GPSM1: variants seen among roughly 807,000 people sequenced by gnomAD.
The protein encoded by GPSM1 is G protein signaling modulator 1.
GPSM1 carries 48 observed loss-of-function variants against 70.5 expected under a neutral mutation model. That is an observed-to-expected ratio of 0.68 (90% CI 0.54 to 0.87). GPSM1 has a LOEUF of 0.87. Among genes scored for constraint, GPSM1 ranks in the 40% least tolerant of loss-of-function variants. The pLI is 0.00. For synonymous variants in GPSM1, 416 were observed against 430.1 expected, an observed-to-expected ratio of 0.97 and a Z score of 0.41; for missense variants, 981 against 972.6, an observed-to-expected ratio of 1.01 and a Z score of -0.11.
chr9:136,353,192 G>A (rs1245319799), intron 11 of GPSM1: 8 of 786,582 alleles, frequency 1.0e-5, no homozygotes, highest in Non-Finnish European at 1.2e-5. Context: ...ACAGGTGGAG[G>A]CTGAGGGAGC....
chr9:136,358,123 G>C lies in GPSM1; in HGVS notation c.1931G>C (p.Arg644Pro), dbSNP rs782479351. 6.2e-6 allele frequency: 10 copies of C among 1,611,446 alleles called. No homozygotes were observed. In the South Asian group the frequency reaches 1.1e-4, roughly 18 times the overall value. ...FSLIQRVQAK[R>P]MDEQRVDLAG... is the part of the protein sequence containing the mutation. ...CTCATTCAGAGGGTGCAGGCTAAGC[G>C]CATGGACGAGCAGCGGGTGGACCTC... is the stretch of plus-strand genomic sequence containing the variant. Residue 644 changes from arginine to proline, a missense_variant, in exon 14 of 14, where the codon CGC (arginine) becomes CCC (proline). Physicochemically the swap from Arg to Pro is moderately radical, Grantham distance 103. Coordinates refer to ENST00000440944, the MANE Select transcript of GPSM1 (RefSeq NM_001145638.3).
At chr9:136,333,861 C>T (rs1284903044) in intron 1 of GPSM1, among the ~76,000 whole-genome samples, 3 of 152,146 alleles carry the variant, frequency 2.0e-5, no homozygotes, top group Non-Finnish European at 4.4e-5. Context: ...CTGGTCTCCC[C>T]TGGAGACTTG....
intron 11 of GPSM1, among the ~76,000 whole-genome samples, chr9:136,353,860 C>T (rs544539973): frequency 1.6e-4 from 25 of 152,164 alleles, no homozygotes; most frequent in Non-Finnish European, 3.4e-4. Flanking sequence ...CCTGTGTGGC[C>T]CCAACTGGCA....
chr9:136,342,986 G>A lies in GPSM1; in HGVS notation c.1207+1993G>A, dbSNP rs1832431615. Reference sequence around the variant, plus strand: ...CAGAGGCTGGTGGGTTTGGTGTCCCGTTGATAAACACAAGGAGACTTACGT... The same window carrying A: ...CAGAGGCTGGTGGGTTTGGTGTCCCATTGATAAACACAAGGAGACTTACGT... On this transcript the variant is annotated intron_variant, in intron 9 of 13. Coordinates refer to ENST00000440944, the MANE Select transcript of GPSM1 (RefSeq NM_001145638.3). The surrounding 1 kb of genome is among the most constrained non-coding windows in gnomAD (Gnocchi z 5.5). Among the ~76,000 whole-genome samples the A allele has an allele frequency of 6.6e-6, 1 of 152,078 alleles. No individual in the cohort carries two copies. Among genetic ancestry groups the A allele is most frequent in the South Asian group, 2.1e-4 (1 of 4,828 alleles).
In GPSM1 at chr9:136,358,192, A is replaced by G. The variant is rs782504206; in HGVS notation, c.2000A>G (p.Gln667Arg). 16 of 1,562,934 alleles carry G rather than the reference A, an allele frequency of 1.0e-5. No homozygotes were observed. The highest frequency in any genetic ancestry group is 1.3e-5 in the Non-Finnish European group (15 of 1,157,232). The change falls in exon 14 of 14, where the codon CAG (glutamine) becomes CGG (arginine). Residue 667 changes from glutamine (Q) to arginine (R), a missense_variant. Gln to Arg is a conservative substitution (Grantham distance 43). Coordinates refer to ENST00000440944, the MANE Select transcript of GPSM1 (RefSeq NM_001145638.3). ...GGGGCAGGCGGCCCGCCCGAGCCCC[A>G]GCAGCAGTGCCAGCCTGGTGCGAGC... ...EQGAGGPPEPQQQCQPGAS is the reference protein window; with the variant it reads ...EQGAGGPPEPRQQCQPGAS
At chr9:136,351,950 CG>C (rs1554772166) in intron 11 of GPSM1, among the ~76,000 whole-genome samples, 1 of 97,068 alleles carries the variant, frequency 1.0e-5, no homozygotes, top group East Asian at 3.3e-4. Context: ...ATCCCTGGGG[CG>C]TCAGTGGCCG....
intron 7 of GPSM1, 21 bp downstream of exon 7, chr9:136,338,731 C>G (rs782510573): frequency 6.5e-6 from 10 of 1,529,058 alleles, no homozygotes; most frequent in African/African-American, 2.7e-5. Flanking sequence ...GCGGACGCGG[C>G]GGGCAGACCC....
chr9:136,332,258 C>T lies in GPSM1; in HGVS notation c.69-2189C>T, dbSNP rs1487888551. 1.3e-5 allele frequency: 5 copies of T among 398,078 alleles called. No individual in the cohort carries two copies. The East Asian group carries it at 1.8e-4, about 14-fold the overall frequency. The allele number at this position is 398,078 out of a possible 1,614,324, so 24.7% of individuals were successfully genotyped here. A position where few individuals can be genotyped will look rare whatever the true frequency, so the allele number is the denominator to read the frequency against. On this transcript the variant is annotated intron_variant, in intron 1 of 13. Coordinates refer to ENST00000440944, the MANE Select transcript of GPSM1 (RefSeq NM_001145638.3). ...GTCTTGGGATGAGTGGAGGGGACACCCACCTGGTGCAGCTGCAGGTGGCTG... is the reference window on the plus strand; with the variant it reads ...GTCTTGGGATGAGTGGAGGGGACACTCACCTGGTGCAGCTGCAGGTGGCTG...
intron 1 of GPSM1, among the ~76,000 whole-genome samples, chr9:136,329,139 C>T (rs1243917007): frequency 6.6e-6 from 1 of 152,160 alleles, no homozygotes; most frequent in Non-Finnish European, 1.5e-5. Flanking sequence ...GGAGCCAGCC[C>T]CTGGCAGGGG....
intron 9 of GPSM1, among the ~76,000 whole-genome samples, chr9:136,344,776 C>CT (rs1392566298): frequency 2.6e-5 from 4 of 152,354 alleles, no homozygotes; most frequent in African/African-American, 9.6e-5. Context: ...GACAGGGAGA[C>CT]TGTCTGGAGC....
chr9:136,348,895 G>A lies in GPSM1; in HGVS notation c.1278+128G>A, dbSNP rs529143958. ...GCTGGGAGATAAATGTGCCCTCCTC[G>A]GCCTGATGCCCTGCATGGCCCATCT... On this transcript the variant is annotated intron_variant, in intron 10 of 13. Transcript: ENST00000440944. 3.1e-4 allele frequency: 218 copies of A among 692,938 alleles called. 1 individual carries two copies. The highest frequency in any genetic ancestry group is 2.8e-3 in the South Asian group (160 of 56,472). 42.9% of individuals were successfully genotyped at this position (692,938 alleles called of 1,614,324 possible).
chr9:136,347,888 T>C (rs1832561386), intron 9 of GPSM1, among the ~76,000 whole-genome samples: 1 of 152,154 alleles, frequency 6.6e-6, no homozygotes, highest in South Asian at 2.1e-4. Context: ...GACACCCGTC[T>C]CTGCCAGGGC....
chr9:136,355,945 A>G (rs1832807494), intron 12 of GPSM1, 99 bp downstream of exon 12: 1 of 1,002,244 alleles, frequency 1.0e-6, no homozygotes, highest in Non-Finnish European at 1.4e-6. Flanking sequence ...TCGGGGGCAG[A>G]CCAGCAGGCC....
intron 12 of GPSM1, among the ~76,000 whole-genome samples, 184 bp from the exon 13 acceptor site, chr9:136,356,158 C>A (rs1370944149): frequency 6.6e-6 from 1 of 152,094 alleles, no homozygotes. Flanking sequence ...GGCGTGGGAG[C>A]CACAGCAGGG....
In GPSM1 at chr9:136,340,924, C is replaced by T; in HGVS notation, c.1138C>T (p.Leu380=). 1 of 1,571,234 alleles carries T rather than the reference C, an allele frequency of 6.4e-7. No individual in the cohort carries two copies. The highest frequency in any genetic ancestry group is 1.3e-5 in the African/African-American group (1 of 74,086). Reference sequence around the variant, plus strand: ...CCGCATGAACGTGGCGCAGCTGCAGCTGGTGCTCGGCCGCCTGACCAGCCC... The same window carrying T: ...CCGCATGAACGTGGCGCAGCTGCAGTTGGTGCTCGGCCGCCTGACCAGCCC... ...TARMNVAQLQ[L]VLGRLTSPAA... is the part of the protein sequence containing the mutation. Residue 380 remains leucine (L), a synonymous_variant, in exon 9 of 14, where the codon CTG becomes TTG. Transcript: ENST00000440944. The surrounding 1 kb of genome is among the most constrained non-coding windows in gnomAD (Gnocchi z 7.3).
chr9:136,338,851 G>C (rs1832317698), intron 7 of GPSM1, 141 bp downstream of exon 7: 1 of 896,856 alleles, frequency 1.1e-6, no homozygotes, highest in African/African-American at 1.7e-5. Context: ...GCCACTGTGG[G>C]GACTGAGCCA....
At position 136,349,587 on chromosome 9, in the gene GPSM1, G is replaced by A. The variant is rs1832606799; in HGVS notation, c.1279G>A (p.Glu427Lys). ...WDLLRLPLEREQNGDSHHSGD... is the reference protein window; with the variant it reads ...WDLLRLPLERKQNGDSHHSGD... ...CACGCACAGCCTTACCCCTCCCCAG[G>A]AGCAGAATGGAGACAGCCACCATTC... Residue 427 changes from glutamate to lysine, a missense_variant and splice_region_variant, in exon 11 of 14, where the codon GAG (glutamate) becomes AAG (lysine). Transcript: ENST00000440944. 1 of 1,549,788 alleles carries A rather than the reference G, an allele frequency of 6.5e-7. No homozygotes were observed. Among genetic ancestry groups the A allele is most frequent in the Admixed American group, 2.0e-5 (1 of 50,958 alleles).
Position 136,334,624 on chromosome 9 carries a change from C to G in GPSM1, c.246C>G (p.His82Gln). 1 of 1,612,794 alleles carries G rather than the reference C, an allele frequency of 6.2e-7. No homozygotes were observed. Reference sequence around the variant, plus strand: ...ACGCCTACTTCTACCTGAAGGAGCACGGCCGGGCGCTGGAATACCACAAGC... The same window carrying G: ...ACGCCTACTTCTACCTGAAGGAGCAGGGCCGGGCGCTGGAATACCACAAGC... ...LGNAYFYLKE[H>Q]GRALEYHKHD... Residue 82 changes from histidine to glutamine, a missense_variant, in exon 2 of 14, where the codon CAC (histidine) becomes CAG (glutamine). Physicochemically the swap from His to Gln is conservative, Grantham distance 24. Transcript: ENST00000440944.
In GPSM1 at chr9:136,342,802, CGGA is replaced by C. The variant is rs1329928848; in HGVS notation, c.1207+1812_1207+1814del. ...AGAGCCGCGCTAGAGCCTGGCCGTG[CGGA>C]GGGGGCGCCAGGGCTGGGGGCACAG... is the stretch of plus-strand genomic sequence containing the variant. On this transcript the variant is annotated intron_variant, in intron 9 of 13. Transcript: ENST00000440944. The surrounding 1 kb of genome is among the most constrained non-coding windows in gnomAD (Gnocchi z 5.5). Among the ~76,000 whole-genome samples, 1 of 150,832 alleles carries C rather than the reference CGGA, an allele frequency of 6.6e-6. No individual in the cohort carries two copies. The highest frequency in any genetic ancestry group is 1.5e-5 in the Non-Finnish European group (1 of 67,602).
Sources: allele counts gnomAD v4.1 joint callset (sites outside exome capture counted in the v4.1 genomes callset), GRCh38; gene constraint gnomAD v4.1.1; non-coding constraint Gnocchi (gnomAD v3.1); transcripts MANE v1.5; gene names NCBI Gene and HGNC (gene_info 2026-07-23, HGNC 2026-07-21).